Variants in CYP4B1 observed in about 807,000 individuals in gnomAD.
CYP4B1 encodes cytochrome P450 family 4 subfamily B member 1.
Under a neutral mutation model 54.0 loss-of-function variants are expected in CYP4B1, and 45 were observed. The ratio of observed to expected loss-of-function variants is 0.83; its 90% CI spans 0.66 to 1.07. The LOEUF (loss-of-function observed/expected upper bound fraction) is 1.07. CYP4B1 is among the 50% of genes least tolerant of loss of function. The pLI is 0.00. For synonymous variants in CYP4B1, 248 were observed against 247.5 expected, an observed-to-expected ratio of 1.00 and a Z score of -0.02; for missense variants, 656 against 655.4, an observed-to-expected ratio of 1.00 and a Z score of -0.01.
chr1:46,800,052 A>G (rs1022045957), intron 1 of CYP4B1, among the ~76,000 whole-genome samples: 1 of 152,148 alleles, frequency 6.6e-6, no homozygotes, highest in South Asian at 2.1e-4. Context: ...AACCTGTCCA[A>G]GTGTTAGTGT....
rs2148407518 is a variant in CYP4B1 at position 46,813,493 on chromosome 1, A to C, written c.507A>C (p.Glu169Asp). Reference protein sequence around the residue: ...ESTRIMLDKWEEKAREGKSFD... With the variant: ...ESTRIMLDKWDEKAREGKSFD... The stretch of plus-strand genomic sequence containing the variant: ...TCCCTGGACTCCAGGACAAGTGGGA[A>C]GAGAAAGCTCGGGAGGGTAAGTCCT... Residue 169 changes from glutamate to aspartate, a missense_variant, in exon 5 of 12, where the codon GAA (glutamate) becomes GAC (aspartate). Coordinates refer to ENST00000371923, the MANE Select transcript of CYP4B1 (RefSeq NM_001099772.2). 6.2e-7 allele frequency: 1 copy of C among 1,614,040 alleles called. No individual in the cohort carries two copies. Among genetic ancestry groups the C allele is most frequent in the South Asian group, 1.1e-5 (1 of 91,080 alleles).
intron 1 of CYP4B1, 64 bp from the exon 2 acceptor site, chr1:46,810,744 G>C: frequency 2.5e-6 from 4 of 1,595,996 alleles, no homozygotes; most frequent in Non-Finnish European, 3.4e-6. Flanking sequence ...CCCTCCCAGG[G>C]ACTTGGGGCC....
chr1:46,800,238 TTTCCTTCCTTCC>T lies in CYP4B1; in HGVS notation c.180+1029_180+1040del, dbSNP rs1216147120. On this transcript the variant is annotated intron_variant, in intron 1 of 11. Coordinates refer to ENST00000371923, the MANE Select transcript of CYP4B1 (RefSeq NM_001099772.2). Reference sequence around the variant, plus strand: ...TTCTCTTTCTCTCTTTCTTTCTTTCTTTCCTTCCTTCCTTCCTTCCTTCCTTCCTTCCTTCCT... The same window carrying T: ...TTCTCTTTCTCTCTTTCTTTCTTTCTTTCCTTCCTTCCTTCCTTCCTTCCT... Among the ~76,000 whole-genome samples, 63 of 42,430 alleles carry T rather than the reference TTTCCTTCCTTCC, an allele frequency of 1.5e-3. 3 individuals carry two copies. The highest frequency in any genetic ancestry group is 9.6e-3 in the Middle Eastern group (1 of 104). The allele number at this position is 42,430 out of a possible 152,430, so 27.8% of individuals were successfully genotyped here.
rs990478569 is a variant in CYP4B1, at chr1:46,812,467, C to T, written c.368-29C>T. The T allele has an allele frequency of 3.1e-6, 5 of 1,601,332 alleles. No individual in the cohort carries two copies. In the African/African-American group the frequency reaches 6.7e-5, roughly 21 times the overall value. On this transcript the variant is annotated intron_variant, in intron 3 of 11. Coordinates refer to ENST00000371923, the MANE Select transcript of CYP4B1 (RefSeq NM_001099772.2). ...CCAGGCTGCCAGGGCCTGGACTGAC[C>T]AGCCCTCTCTCTCCCATCCCTTCCC... is the stretch of plus-strand genomic sequence containing the variant.
In CYP4B1 at chr1:46,815,169, C is replaced by T. The variant is rs749885609; in HGVS notation, c.978C>T (p.Ser326=). 2.6e-5 allele frequency: 42 copies of T among 1,613,922 alleles called. No individual in the cohort carries two copies. The highest frequency in any genetic ancestry group is 3.3e-5 in the Non-Finnish European group (39 of 1,179,920). ...ATGACACCACCACCAGTGGTATCTC[C>T]TGGTTTCTCTACTGCATGGCCCTGT... ...EGHDTTTSGI[S]WFLYCMALYP... is the part of the protein sequence containing the mutation. The change falls in exon 8 of 12, where the codon TCC becomes TCT. Residue 326 remains serine (S), a synonymous_variant. Transcript: ENST00000371923.
At chr1:46,813,777 AAGG>A in intron 5 of CYP4B1, 129 bp from the exon 6 acceptor site, 1 of 1,418,140 alleles carries the variant, frequency 7.1e-7, no homozygotes, top group Non-Finnish European at 9.7e-7. Context: ...TGGCTTTAGC[AAGG>A]AGGCTTAAGG....
At chr1:46,816,104 C>G (rs3766199) in intron 8 of CYP4B1, among the ~76,000 whole-genome samples, 3 of 152,166 alleles carry the variant, frequency 2.0e-5, no homozygotes. Context: ...GTGAGAATCC[C>G]CCCCCCACGG....
At chr1:46,799,988 C>T (rs1405659293) in intron 1 of CYP4B1, among the ~76,000 whole-genome samples, 1 of 152,164 alleles carries the variant, frequency 6.6e-6, no homozygotes, top group Non-Finnish European at 1.5e-5. Flanking sequence ...TCCTGGACCT[C>T]CAGTTCCTGG....
intron 1 of CYP4B1, 100 bp from the exon 2 acceptor site, chr1:46,810,708 G>A: frequency 7.5e-7 from 1 of 1,327,258 alleles, no homozygotes; most frequent in Non-Finnish European, 1.1e-6. Context: ...AGCAACCAGG[G>A]CCTGCCTGGG....
chr1:46,805,723 T>C (rs1678832404), intron 1 of CYP4B1, among the ~76,000 whole-genome samples: 1 of 152,226 alleles, frequency 6.6e-6, no homozygotes, highest in Non-Finnish European at 1.5e-5. Context: ...CTGATTTTTA[T>C]AGTTATTTCA....
chr1:46,802,190 G>C (rs74075410), intron 1 of CYP4B1, among the ~76,000 whole-genome samples: 3 of 151,174 alleles, frequency 2.0e-5, no homozygotes, highest in Non-Finnish European at 4.4e-5. Context: ...GGTGTGTGTG[G>C]GTGTGTGTGT....
intron 1 of CYP4B1, among the ~76,000 whole-genome samples, chr1:46,801,548 G>A (rs1246197948): frequency 1.3e-5 from 2 of 152,020 alleles, no homozygotes; most frequent in African/African-American, 2.4e-5. Flanking sequence ...ATCAGGTTGA[G>A]CAGACAAAGG....
intron 3 of CYP4B1, chr1:46,812,179 G>T: frequency 2.0e-6 from 1 of 504,302 alleles, no homozygotes; most frequent in Non-Finnish European, 3.9e-6. Context: ...GTCCCCAGGG[G>T]GATGCGTGTC....
rs112395788 is a variant in CYP4B1, at chr1:46,811,179, G to T, written c.362G>T (p.Trp121Leu). ...APDVYDFFLQ[W>L]IGRGLLVLEG... The stretch of plus-strand genomic sequence containing the variant: ...GATGTGTATGACTTCTTCCTCCAGT[G>T]GATTGGTGAGTGAGCACCTGCCTTC... The change falls in exon 3 of 12, where the codon TGG (tryptophan) becomes TTG (leucine). Residue 121 changes from tryptophan to leucine, a missense_variant. Transcript: ENST00000371923. 3.1e-6 allele frequency: 5 copies of T among 1,614,128 alleles called. No individual in the cohort carries two copies. In the East Asian group the frequency reaches 1.1e-4, roughly 36 times the overall value.
At chr1:46,812,319 A>G in intron 3 of CYP4B1, 177 bp from the exon 4 acceptor site, 2 of 731,034 alleles carry the variant, frequency 2.7e-6, no homozygotes, top group Non-Finnish European at 4.9e-6. Context: ...AACTGCTGCC[A>G]CCTGTCTCCT....
chr1:46,810,760 G>T (rs748329183), intron 1 of CYP4B1, 48 bp from the exon 2 acceptor site: 5 of 1,610,530 alleles, frequency 3.1e-6, no homozygotes, highest in Non-Finnish European at 4.2e-6. Flanking sequence ...GGGCCTAGCT[G>T]GTGACAATGT....
At position 46,806,351 on chromosome 1, in the gene CYP4B1, G is replaced by GC. The variant is rs760323180; in HGVS notation, c.181-4452dup. 3.9e-5 allele frequency among the ~76,000 whole-genome samples: 6 copies of GC among 152,294 alleles called. No homozygotes were observed. The South Asian group carries it at 1.2e-3, about 32-fold the overall frequency. ...GCAGACTGATTTTCATTCTGAAGCA[G>GC]CCCCCTGGGGCACTGTAGCTGCAGC... On this transcript the variant is annotated intron_variant, in intron 1 of 11. Transcript: ENST00000371923.
At chr1:46,799,381 C>T (rs1447280825) in intron 1 of CYP4B1, 120 bp downstream of exon 1, 11 of 893,346 alleles carry the variant, frequency 1.2e-5, no homozygotes, top group Non-Finnish European at 1.9e-5. Flanking sequence ...GGGATGATGT[C>T]CTGGGATCCA....
chr1:46,812,399 G>C (rs1679142646), intron 3 of CYP4B1, 97 bp from the exon 4 acceptor site: 1 of 1,430,614 alleles, frequency 7.0e-7, no homozygotes, highest in African/African-American at 1.4e-5. Flanking sequence ...ACCCTTGGAG[G>C]GTTCCAGGCT....
Sources: gnomAD v4.1 joint callset for allele counts (sites outside exome capture counted in the v4.1 genomes callset) on GRCh38, gnomAD v4.1.1 for gene constraint, MANE v1.5 for transcripts, NCBI Gene and HGNC (gene_info 2026-07-23, HGNC 2026-07-21) for gene names.